GRIK2: variants seen among roughly 807,000 people sequenced by gnomAD.
GRIK2 encodes glutamate ionotropic receptor kainate type subunit 2.
In GRIK2, 32 loss-of-function variants were observed where a neutral mutation model predicts 100.3. The observed-to-expected ratio is 0.32, with a 90% CI of 0.24 to 0.43. The LOEUF (loss-of-function observed/expected upper bound fraction) is 0.43, where lower values mean the gene tolerates loss of function less well. GRIK2 is among the 20% of genes least tolerant of loss of function. The pLI is 1.00. For synonymous variants in GRIK2, 417 were observed against 389.4 expected (o/e 1.07, Z -0.83); for missense variants, 843 against 1,114.9 (o/e 0.76, Z 3.47).
intron 2 of GRIK2, among the ~76,000 whole-genome samples, chr6:101,567,720 T>C (rs1322135281): frequency 6.6e-6 from 1 of 151,996 alleles, no homozygotes; most frequent in Non-Finnish European, 1.5e-5. Flanking sequence ...CTTAGAGAGG[T>C]AACCAGGGTT....
At chr6:101,611,225 A>G (rs940166692) in intron 2 of GRIK2, among the ~76,000 whole-genome samples, 2 of 151,806 alleles carry the variant, frequency 1.3e-5, no homozygotes, top group South Asian at 2.1e-4. Flanking sequence ...AAAACAACCA[A>G]TCTTTGTCAA....
At chr6:101,573,735 T>C (rs749874136) in intron 2 of GRIK2, among the ~76,000 whole-genome samples, 3 of 152,118 alleles carry the variant, frequency 2.0e-5, no homozygotes, top group Non-Finnish European at 2.9e-5. Flanking sequence ...AATTCTTTCA[T>C]TGGACACCAC....
At chr6:101,742,924 G>T (rs2128378770) in intron 7 of GRIK2, among the ~76,000 whole-genome samples, 2 of 152,278 alleles carry the variant, frequency 1.3e-5, no homozygotes, top group South Asian at 2.1e-4. Context: ...TAAGAGCCCT[G>T]GCTGAGGACG....
chr6:101,823,370 T>C (rs1782085858), intron 10 of GRIK2, among the ~76,000 whole-genome samples: 1 of 152,104 alleles, frequency 6.6e-6, no homozygotes, highest in African/African-American at 2.4e-5. Context: ...TTTTTATTTT[T>C]GAATTAAGAT....
At chr6:101,725,039 G>T (rs1269806291) in intron 7 of GRIK2, among the ~76,000 whole-genome samples, 3 of 151,732 alleles carry the variant, frequency 2.0e-5, no homozygotes, top group Admixed American at 1.3e-4. Flanking sequence ...TCTCATAAAA[G>T]TTTTATTTTC....
chr6:101,514,690 ATAATGT>A (rs1016566669), intron 2 of GRIK2, among the ~76,000 whole-genome samples: 8 of 152,142 alleles, frequency 5.3e-5, no homozygotes, highest in Non-Finnish European at 1.0e-4. Context: ...GAACAAGATC[ATAATGT>A]TAAATTACCC....
chr6:101,766,630 A>G (rs1778059440), intron 7 of GRIK2, among the ~76,000 whole-genome samples: 1 of 152,188 alleles, frequency 6.6e-6, no homozygotes, highest in Non-Finnish European at 1.5e-5. Context: ...TTATGGCCAA[A>G]TGACTTCTGG....
rs969654449 is a variant in GRIK2 at position 101,947,838 on chromosome 6, A to G, written c.2085+19206A>G. The stretch of plus-strand genomic sequence containing the variant: ...AATGACTATAATCCTGAGCACCTAC[A>G]TCGACACTTTATCCTTTGATATTTG... On this transcript the variant is annotated intron_variant, in intron 14 of 16. Coordinates refer to ENST00000369134, the MANE Select transcript of GRIK2 (RefSeq NM_021956.5). Among the ~76,000 whole-genome samples, 4 of 152,194 alleles carry G rather than the reference A, an allele frequency of 2.6e-5. No individual in the cohort carries two copies. In the South Asian group the frequency reaches 6.2e-4, roughly 24 times the overall value.
chr6:101,918,113 T>A (rs1789237543), intron 12 of GRIK2, among the ~76,000 whole-genome samples: 1 of 151,698 alleles, frequency 6.6e-6, no homozygotes, highest in South Asian at 2.1e-4. Flanking sequence ...ATATTACCGT[T>A]AACTGCTGTT....
chr6:101,565,976 G>T (rs1777251100), intron 2 of GRIK2, among the ~76,000 whole-genome samples: 1 of 136,828 alleles, frequency 7.3e-6, no homozygotes, highest in African/African-American at 2.8e-5. Flanking sequence ...CTAGAGAAAA[G>T]AAACTGTTAT....
intron 3 of GRIK2, 82 bp downstream of exon 3, chr6:101,622,198 A>G (rs2128317007): frequency 1.3e-6 from 1 of 770,480 alleles, no homozygotes; most frequent in East Asian, 2.5e-5. Flanking sequence ...ATTTTTCAAC[A>G]TACAGTTAAT....
At chr6:101,629,832 C>T (rs1459383000) in intron 4 of GRIK2, among the ~76,000 whole-genome samples, 1 of 151,922 alleles carries the variant, frequency 6.6e-6, no homozygotes. Context: ...ACAGGGTATC[C>T]AATAGATAGT....
chr6:101,791,785 C>T (rs957105101), intron 7 of GRIK2, among the ~76,000 whole-genome samples: 2 of 151,672 alleles, frequency 1.3e-5, no homozygotes, highest in Admixed American at 6.5e-5. Context: ...TCTCGTTGAT[C>T]TGTCTAATGT....
intron 16 of GRIK2, among the ~76,000 whole-genome samples, chr6:102,061,384 G>A (rs1285614425): frequency 6.6e-6 from 1 of 150,464 alleles, no homozygotes; most frequent in Non-Finnish European, 1.5e-5. Flanking sequence ...CAAGGGTGAA[G>A]TTGTTTTCCA....
At chr6:101,994,828 T>A (rs1296699098) in intron 14 of GRIK2, among the ~76,000 whole-genome samples, 1 of 151,804 alleles carries the variant, frequency 6.6e-6, no homozygotes, top group Admixed American at 6.6e-5. Context: ...GTTTAAACAA[T>A]AAATTATAGG....
chr6:101,717,968 ATTC>A (rs1774185776), intron 7 of GRIK2, among the ~76,000 whole-genome samples: 1 of 151,866 alleles, frequency 6.6e-6, no homozygotes, highest in Non-Finnish European at 1.5e-5. Context: ...TATATTAGCC[ATTC>A]TTCTTAATAA....
At chr6:101,848,478 A>G (rs1783932660) in intron 10 of GRIK2, among the ~76,000 whole-genome samples, 1 of 152,158 alleles carries the variant, frequency 6.6e-6, no homozygotes, top group Non-Finnish European at 1.5e-5. Context: ...ACATAAAAAC[A>G]TTTGTTTCAT....
intron 2 of GRIK2, among the ~76,000 whole-genome samples, chr6:101,605,992 T>TGA (rs2128311609): frequency 6.6e-6 from 1 of 152,176 alleles, no homozygotes; most frequent in Admixed American, 6.6e-5. Context: ...GGCAGTAGGC[T>TGA]GACAGAAATC....
At chr6:101,866,013 A>G (rs1290238461) in intron 11 of GRIK2, among the ~76,000 whole-genome samples, 1 of 152,168 alleles carries the variant, frequency 6.6e-6, no homozygotes, top group Non-Finnish European at 1.5e-5. Context: ...AAATGTTGGC[A>G]AAAACAACTA....
Sources: gnomAD v4.1 joint callset for allele counts (sites outside exome capture counted in the v4.1 genomes callset) on GRCh38, gnomAD v4.1.1 for gene constraint, MANE v1.5 for transcripts, NCBI Gene and HGNC (gene_info 2026-07-23, HGNC 2026-07-21) for gene names.